The following TMEM132E variants were observed in gnomAD, a reference collection of about 807,000 sequenced individuals.
TMEM132E encodes the protein transmembrane protein 132E.
A neutral mutation model predicts 78.5 loss-of-function variants in TMEM132E; 49 were observed. The observed-to-expected ratio is 0.62, with a 90% confidence interval of 0.50 to 0.79. The LOEUF (loss-of-function observed/expected upper bound fraction) is 0.79. Among genes scored for constraint, TMEM132E ranks in the 30% least tolerant of loss-of-function variants. The probability of loss-of-function intolerance (pLI) is 0.00; values close to 1 mark genes in which losing one functional copy is unlikely to be tolerated. For synonymous variants in TMEM132E, 715 were observed against 670.6 expected, an observed-to-expected ratio of 1.07 and a Z score of -1.02; for missense variants, 1,403 against 1,470.9, an observed-to-expected ratio of 0.95 and a Z score of 0.75.
At chr17:34,614,138 T>G (rs991818733) in intron 1 of TMEM132E, among the ~76,000 whole-genome samples, 2 of 152,192 alleles carry the variant, frequency 1.3e-5, no homozygotes, top group Non-Finnish European at 2.9e-5. Flanking sequence ...CTGTTTCATG[T>G]GGCCTGGATT....
chr17:34,617,835 C>T (rs1010837926), intron 1 of TMEM132E, among the ~76,000 whole-genome samples: 22 of 152,050 alleles, frequency 1.4e-4, no homozygotes, highest in Admixed American at 1.4e-3. Context: ...TTTATTTTTC[C>T]CTTTCTAATT....
intron 1 of TMEM132E, among the ~76,000 whole-genome samples, 196 bp downstream of exon 1, chr17:34,581,339 G>A (rs1309071439): frequency 6.6e-6 from 1 of 150,538 alleles, no homozygotes; most frequent in African/African-American, 2.4e-5. Context: ...GACCGAGCCC[G>A]GCGCCAGAAA....
At chr17:34,594,426 T>G (rs1905985831) in intron 1 of TMEM132E, among the ~76,000 whole-genome samples, 1 of 152,218 alleles carries the variant, frequency 6.6e-6, no homozygotes, top group Non-Finnish European at 1.5e-5. Context: ...TTGGAAATAT[T>G]GCTTAAATTC....
chr17:34,618,967 C>T (rs1906867875), intron 1 of TMEM132E, among the ~76,000 whole-genome samples: 1 of 152,168 alleles, frequency 6.6e-6, no homozygotes. Context: ...TTCTTTATAC[C>T]CTTGGCCTCA....
At chr17:34,588,247 G>T (rs1905747097) in intron 1 of TMEM132E, among the ~76,000 whole-genome samples, 1 of 152,130 alleles carries the variant, frequency 6.6e-6, no homozygotes, top group Non-Finnish European at 1.5e-5. Context: ...CTTCCTGGAA[G>T]CCCATCCCTA....
chr17:34,603,324 C>A (rs1250153439), intron 1 of TMEM132E, among the ~76,000 whole-genome samples: 1 of 152,074 alleles, frequency 6.6e-6, no homozygotes, highest in African/African-American at 2.4e-5. Context: ...CTCGGACCCC[C>A]AGAAGGAACC....
intron 1 of TMEM132E, among the ~76,000 whole-genome samples, chr17:34,589,216 G>T (rs929488199): frequency 2.0e-5 from 3 of 152,228 alleles, no homozygotes; most frequent in African/African-American, 7.2e-5. Flanking sequence ...AGCCTTCGGG[G>T]TGGAGGGACC....
rs772700411 is a variant in TMEM132E, at chr17:34,637,960, G to A, written c.2953G>A (p.Gly985Ser). The part of the protein sequence containing the change: ...SQTSVQSQVH[G>S]RGDGSSGGSA... ...GACCAGCGTCCAGAGCCAGGTGCAC[G>A]GCAGGGGCGACGGCTCCTCGGGCGG... is the stretch of plus-strand genomic sequence containing the variant. Residue 985 changes from glycine (G) to serine (S), a missense_variant, in exon 9 of 9, where the codon GGC becomes AGC. Around this residue, in one of 3 missense-constraint regions of TMEM132E, gnomAD observed 888 missense variants for 952.8 expected, o/e 0.93. Coordinates refer to ENST00000631683, the MANE Select transcript of TMEM132E (RefSeq NM_001304438.2). 6.2e-7 allele frequency: 1 copy of A among 1,603,294 alleles called. No individual in the cohort carries two copies. Among genetic ancestry groups the A allele is most frequent in the East Asian group, 2.3e-5 (1 of 44,426 alleles).
chr17:34,612,868 G>T (rs749847369), intron 1 of TMEM132E, among the ~76,000 whole-genome samples: 3 of 152,094 alleles, frequency 2.0e-5, no homozygotes, highest in Non-Finnish European at 4.4e-5. Flanking sequence ...CGTCACTGGG[G>T]GGGGCAGTGG....
Position 34,600,817 on chromosome 17 carries a change from G to A in TMEM132E, c.67+19674G>A, listed in dbSNP as rs183736727. On this transcript the variant is annotated intron_variant, in intron 1 of 8. Coordinates refer to ENST00000631683, the MANE Select transcript of TMEM132E (RefSeq NM_001304438.2). ...CAAGAGCAACCCCAGCAGGTCAAAGGTTTCAAGCAGGAAAGTGATGGATGC... is the reference window on the plus strand; with the variant it reads ...CAAGAGCAACCCCAGCAGGTCAAAGATTTCAAGCAGGAAAGTGATGGATGC... Among the ~76,000 whole-genome samples the A allele has an allele frequency of 3.3e-3, 497 of 152,292 alleles. 4 individuals carry two copies. The highest frequency in any genetic ancestry group is 5.2e-3 in the Non-Finnish European group (356 of 68,024).
Position 34,638,414 on chromosome 17 carries a change from G to T in TMEM132E, c.*182G>T. 1 of 624,638 alleles carries T rather than the reference G, an allele frequency of 1.6e-6. No individual in the cohort carries two copies. Among genetic ancestry groups the T allele is most frequent in the Non-Finnish European group, 2.7e-6 (1 of 377,278 alleles). The allele number at this position is 624,638 out of a possible 1,614,324, so 38.7% of individuals were successfully genotyped here. On this transcript the variant is annotated 3_prime_UTR_variant, in exon 9 of 9. Transcript: ENST00000631683. Reference sequence around the variant, plus strand: ...GTGTCTGGGCCTTCCCTCGCCTCACGCCATTACCCTCTTCTGCCCCCTGCA... The same window carrying T: ...GTGTCTGGGCCTTCCCTCGCCTCACTCCATTACCCTCTTCTGCCCCCTGCA...
chr17:34,585,964 G>C (rs1166934382), intron 1 of TMEM132E, among the ~76,000 whole-genome samples: 1 of 152,182 alleles, frequency 6.6e-6, no homozygotes, highest in Non-Finnish European at 1.5e-5. Context: ...TCAGTTTGCT[G>C]TGTAGCCACA....
Position 34,612,997 on chromosome 17 carries a change from A to G in TMEM132E, c.68-13130A>G, listed in dbSNP as rs555107659. Among the ~76,000 whole-genome samples the G allele has an allele frequency of 4.9e-3, 741 of 151,756 alleles. 9 individuals carry two copies. Among genetic ancestry groups the G allele is most frequent in the African/African-American group, 0.017 (700 of 41,346 alleles). The stretch of plus-strand genomic sequence containing the variant: ...GGGGACCCCATGTCCCCCACCCTGC[A>G]CCTCTAAGGCTGCTGTTTGTTGCAG... On this transcript the variant is annotated intron_variant, in intron 1 of 8. Transcript: ENST00000631683.
At chr17:34,636,344 C>T in intron 8 of TMEM132E, 146 bp downstream of exon 8, 1 of 821,182 alleles carries the variant, frequency 1.2e-6, no homozygotes, top group East Asian at 3.4e-5. Flanking sequence ...GCACAACTGC[C>T]CACCCTATGG....
chr17:34,627,470 G>GTGTGTGTGTGTGTGTGTGTA (rs1443921527), intron 2 of TMEM132E, among the ~76,000 whole-genome samples: 2 of 115,170 alleles, frequency 1.7e-5, no homozygotes, highest in Non-Finnish European at 3.9e-5. Context: ...AAAGAATCGT[G>GTGTGTGTGTGTGTGTGTGTA]TGTGTGTGTG....
At chr17:34,615,643 A>G (rs1211190595) in intron 1 of TMEM132E, among the ~76,000 whole-genome samples, 1 of 150,826 alleles carries the variant, frequency 6.6e-6, no homozygotes, top group African/African-American at 2.4e-5. Flanking sequence ...CATGTGTAAG[A>G]CTCTGTGCTA....
At position 34,627,014 on chromosome 17, in the gene TMEM132E, T is replaced by C. The variant is rs1367608702; in HGVS notation, c.955T>C (p.Ser319Pro). ...CATCCTCCTCTATCTGGCCCCCAAC[T>C]CCTCCTCGCCCTCCAGCCCCAGCGT... The part of the protein sequence containing the change: ...LSILLYLAPN[S>P]SSPSSPSVEH... Residue 319 changes from serine (S) to proline (P), a missense_variant, in exon 2 of 9, where the codon TCC (serine) becomes CCC (proline). This residue lies in a region of TMEM132E where 511 missense variants were observed against 499.0 expected (regional missense o/e 1.02). Transcript: ENST00000631683. 3 of 1,613,224 alleles carry C rather than the reference T, an allele frequency of 1.9e-6. No individual in the cohort carries two copies. The highest frequency in any genetic ancestry group is 2.7e-5 in the African/African-American group (2 of 74,762).
At chr17:34,588,803 G>C (rs1441545474) in intron 1 of TMEM132E, among the ~76,000 whole-genome samples, 1 of 152,192 alleles carries the variant, frequency 6.6e-6, no homozygotes, top group Non-Finnish European at 1.5e-5. Context: ...ACCCAGGCTG[G>C]AGTGCAGTGG....
In TMEM132E at chr17:34,580,900, C is replaced by T; in HGVS notation, c.-177C>T. The T allele has an allele frequency of 2.1e-6, 1 of 470,880 alleles. No individual in the cohort carries two copies. The highest frequency in any genetic ancestry group is 3.7e-6 in the Non-Finnish European group (1 of 266,862). 29.2% of individuals were successfully genotyped at this position (470,880 alleles called of 1,614,324 possible). A position where few individuals can be genotyped will look rare whatever the true frequency, so the allele number is the denominator to read the frequency against. The stretch of plus-strand genomic sequence containing the variant: ...CCGGCTCCGAGGGTGTAGCCGCCAG[C>T]GCCTGGGACGCCCCCTCCCCGCAAA... On this transcript the variant is annotated 5_prime_UTR_variant, in exon 1 of 9. Coordinates refer to ENST00000631683, the MANE Select transcript of TMEM132E (RefSeq NM_001304438.2).
Sources: gnomAD v4.1 joint callset for allele counts (sites outside exome capture counted in the v4.1 genomes callset) on GRCh38, gnomAD v4.1.1 for gene constraint, gnomAD v4.1.1 regional missense constraint, MANE v1.5 for transcripts, NCBI Gene and HGNC (gene_info 2026-07-23, HGNC 2026-07-21) for gene names.